Variants in DNAAF1 observed in about 807,000 individuals in gnomAD.
DNAAF1 encodes the protein dynein assembly factor 1, axonemal.
DNAAF1 carries 65 observed loss-of-function variants against 71.1 expected under a neutral mutation model. That is an observed-to-expected ratio of 0.91 (90% CI 0.75 to 1.12). The LOEUF (loss-of-function observed/expected upper bound fraction) is 1.12. Ranked by LOEUF, DNAAF1 falls within the 50% of genes most tolerant of loss-of-function variation. The probability of loss-of-function intolerance (pLI) is 0.00; values close to 1 mark genes in which losing one functional copy is unlikely to be tolerated. For missense variants in DNAAF1, 1,178 were observed against 899.8 expected, an observed-to-expected ratio of 1.31 and a Z score of -3.96; for synonymous variants, 414 against 354.6, an observed-to-expected ratio of 1.17 and a Z score of -1.88.
intron 7 of DNAAF1, among the ~76,000 whole-genome samples, chr16:84,166,983 A>G (rs571206129): frequency 2.6e-5 from 4 of 152,114 alleles, no homozygotes; most frequent in Admixed American, 6.5e-5. Flanking sequence ...ATTCATTTCC[A>G]TCCTGACACT....
At chr16:84,164,339 T>C (rs60038538) in intron 6 of DNAAF1, among the ~76,000 whole-genome samples, 15,989 of 152,224 alleles carry the variant, frequency 0.11, 917 homozygotes, top group South Asian at 0.28. Flanking sequence ...GACAAAGGTA[T>C]CATGTCCTGT....
rs984903810 is a variant in DNAAF1, at chr16:84,155,671, G to A, written c.663G>A (p.Arg221=). The stretch of plus-strand genomic sequence containing the variant: ...TTCAGCATCTACAAGAGTGTTTGAG[G>A]CTTTGTGTCCTTGACCTTTCGCACA... ...EDIQHLQECL[R]LCVLDLSHNK... Residue 221 remains arginine, a synonymous_variant, in exon 5 of 12, where the codon AGG becomes AGA. Coordinates refer to ENST00000378553, the MANE Select transcript of DNAAF1 (RefSeq NM_178452.6). 1.2e-6 allele frequency: 2 copies of A among 1,614,170 alleles called. No individual in the cohort carries two copies. Among genetic ancestry groups the A allele is most frequent in the African/African-American group, 1.3e-5 (1 of 75,038 alleles).
At position 84,159,722 on chromosome 16, in the gene DNAAF1, T is replaced by G. The variant is rs767934600; in HGVS notation, c.789T>G (p.Asn263Lys). ...ACCCGGTTATCAGACAGATTCCTAATTACAGAAGGACAGTCACTGTACGAC... is the reference window on the plus strand; with the variant it reads ...ACCCGGTTATCAGACAGATTCCTAAGTACAGAAGGACAGTCACTGTACGAC... ...MGNPVIRQIP[N>K]YRRTVTVRLK... Residue 263 changes from asparagine to lysine, a missense_variant, in exon 6 of 12, where the codon AAT becomes AAG. Physicochemically the swap from Asn to Lys is moderately conservative, Grantham distance 94 (BLOSUM62 0). Coordinates refer to ENST00000378553, the MANE Select transcript of DNAAF1 (RefSeq NM_178452.6). 5 of 1,614,080 alleles carry G rather than the reference T, an allele frequency of 3.1e-6. No individual in the cohort carries two copies. Among genetic ancestry groups the G allele is most frequent in the African/African-American group, 1.3e-5 (1 of 75,032 alleles).
chr16:84,159,445 T>C (rs1259713767), intron 5 of DNAAF1, among the ~76,000 whole-genome samples: 4 of 152,168 alleles, frequency 2.6e-5, no homozygotes, highest in African/African-American at 9.7e-5. Context: ...AGATCTAAGA[T>C]CTGAAGTTCA....
chr16:84,172,720 A>T, intron 9 of DNAAF1: 1 of 1,177,964 alleles, frequency 8.5e-7, no homozygotes, highest in Non-Finnish European at 1.1e-6. Context: ...TAGTTGCCTT[A>T]TCCAAATTCG....
intron 6 of DNAAF1, among the ~76,000 whole-genome samples, chr16:84,160,700 C>T (rs946314485): frequency 3.5e-4 from 53 of 151,498 alleles, no homozygotes; most frequent in African/African-American, 1.3e-3. Context: ...TTTGGGAGGC[C>T]AAGGCGGGCG....
chr16:84,148,856 C>G, intron 1 of DNAAF1, 151 bp from the exon 2 acceptor site: 1 of 859,372 alleles, frequency 1.2e-6, no homozygotes. Flanking sequence ...TCCCAAAGAG[C>G]TGGGATTACA....
chr16:84,156,804 T>TTTTCC (rs1181381819), intron 5 of DNAAF1, among the ~76,000 whole-genome samples: 2 of 149,896 alleles, frequency 1.3e-5, no homozygotes, highest in Non-Finnish European at 2.9e-5. Flanking sequence ...TTATTTATCA[T>TTTTCC]TTTTCTTTTC....
At chr16:84,159,351 G>A (rs1236159217) in intron 5 of DNAAF1, 2 of 798,110 alleles carry the variant, frequency 2.5e-6, no homozygotes, top group Non-Finnish European at 3.3e-6. Flanking sequence ...AGTAAAAGAG[G>A]TTGGGTAGCA....
chr16:84,145,922 C>G (rs954949248), intron 1 of DNAAF1, among the ~76,000 whole-genome samples: 3 of 152,020 alleles, frequency 2.0e-5, no homozygotes, highest in Admixed American at 6.6e-5. Context: ...ATAGTGAAAC[C>G]CTGTCTCTAC....
At chr16:84,159,069 T>C in intron 5 of DNAAF1, 1 of 989,914 alleles carries the variant, frequency 1.0e-6, no homozygotes, top group Non-Finnish European at 1.2e-6. Context: ...CTTAAGGCAG[T>C]AGAGGAAGAG....
At chr16:84,148,004 G>A (rs563973545) in intron 1 of DNAAF1, among the ~76,000 whole-genome samples, 1 of 152,034 alleles carries the variant, frequency 6.6e-6, no homozygotes, top group South Asian at 2.1e-4. Context: ...GGAGGCGGAG[G>A]TTGCAGTGAG....
At chr16:84,174,421 A>AT in intron 9 of DNAAF1, 1 of 1,392,298 alleles carries the variant, frequency 7.2e-7, no homozygotes, top group Non-Finnish European at 9.3e-7. Flanking sequence ...AGATGTGGAA[A>AT]TTCTTTAAAC....
intron 1 of DNAAF1, among the ~76,000 whole-genome samples, chr16:84,148,596 C>CTCTTTTTTTTTT: frequency 1.4e-4 from 6 of 43,572 alleles, no homozygotes; most frequent in African/African-American, 2.8e-4. Context: ...CTCTCTCTCT[C>CTCTTTTTTTTTT]TTTTTTTTTT....
Position 84,165,771 on chromosome 16 carries a change from T to G in DNAAF1, c.864-12T>G. Reference sequence around the variant, plus strand: ...CACCTCCCCTATTTATGTTTCTTTGTTTTTTAAACAGAGCTTGTGCGGAGG... The same window carrying G: ...CACCTCCCCTATTTATGTTTCTTTGGTTTTTAAACAGAGCTTGTGCGGAGG... On this transcript the variant is annotated splice_polypyrimidine_tract_variant and intron_variant, in intron 6 of 11. Transcript: ENST00000378553. 6.2e-7 allele frequency: 1 copy of G among 1,613,174 alleles called. No homozygotes were observed. Among genetic ancestry groups the G allele is most frequent in the Non-Finnish European group, 8.5e-7 (1 of 1,179,638 alleles).
Position 84,165,899 on chromosome 16 carries a change from T to C in DNAAF1, c.980T>C (p.Ile327Thr), listed in dbSNP as rs2087952427. 1 of 1,613,142 alleles carries C rather than the reference T, an allele frequency of 6.2e-7. No individual in the cohort carries two copies. Among genetic ancestry groups the C allele is most frequent in the African/African-American group, 1.3e-5 (1 of 74,610 alleles). ...GACAGCATTGAAGCCTTGGCCATGA[T>C]CAAGCAGCGGGCAGAGGAGAGGAAA... ...ITDSIEALAM[I>T]KQRAEERKRQ... Residue 327 changes from isoleucine to threonine, a missense_variant, in exon 7 of 12, where the codon ATC (isoleucine) becomes ACC (threonine). Ile to Thr is a moderately conservative substitution (Grantham distance 89). Transcript: ENST00000378553.
rs1463267822 is a variant in DNAAF1 at position 84,145,463 on chromosome 16, C to T, written c.23C>T (p.Pro8Leu). 1.3e-6 allele frequency: 2 copies of T among 1,579,292 alleles called. No homozygotes were observed. Among genetic ancestry groups the T allele is most frequent in the Middle Eastern group, 1.7e-4 (1 of 5,998 alleles). The change falls in exon 1 of 12, where the codon CCT becomes CTT. Residue 8 changes from proline (P) to leucine (L), a missense_variant. Pro to Leu is a moderately conservative substitution (Grantham distance 98). Coordinates refer to ENST00000378553, the MANE Select transcript of DNAAF1 (RefSeq NM_178452.6). The part of the protein sequence containing the change: MHPEPSE[P>L]ATGGAAELDC... ...AACATGCACCCTGAGCCCTCGGAGC[C>T]TGCGACAGGTGGTGCAGCAGAGCTG...
intron 9 of DNAAF1, chr16:84,173,085 G>A (rs1481340273): frequency 1.0e-6 from 1 of 986,438 alleles, no homozygotes; most frequent in Non-Finnish European, 1.2e-6. Flanking sequence ...TGGAGAGGTG[G>A]TCCCCTGCCC....
At chr16:84,169,505 C>T (rs2088208658) in intron 7 of DNAAF1, among the ~76,000 whole-genome samples, 1 of 151,134 alleles carries the variant, frequency 6.6e-6, no homozygotes, top group South Asian at 2.1e-4. Context: ...CTGCAGCCTC[C>T]ACCTCCCAGG....
Sources: allele counts gnomAD v4.1 joint callset (sites outside exome capture counted in the v4.1 genomes callset), GRCh38; gene constraint gnomAD v4.1.1; transcripts MANE v1.5; gene names NCBI Gene and HGNC (gene_info 2026-07-23, HGNC 2026-07-21).